Variants in SCG3 observed in about 807,000 individuals in gnomAD.
SCG3 encodes secretogranin-3.
Under a neutral mutation model 56.2 loss-of-function variants are expected in SCG3, and 38 were observed. The observed-to-expected ratio is 0.68, with a 90% CI of 0.52 to 0.89. The LOEUF is 0.89. Among genes scored for constraint, SCG3 ranks in the 40% least tolerant of loss-of-function variants. SCG3 has a pLI of 0.00. For missense variants in SCG3, 524 were observed against 540.7 expected (o/e 0.97, Z 0.31); for synonymous variants, 176 against 184.2 (o/e 0.96, Z 0.36).
rs568430902 is a variant in SCG3 at position 51,681,744 on chromosome 15, G to A, written c.-12G>A. 2.8e-5 allele frequency: 45 copies of A among 1,580,736 alleles called. No individual in the cohort carries two copies. The highest frequency in any genetic ancestry group is 3.6e-5 in the Non-Finnish European group (42 of 1,158,346). Reference sequence around the variant, plus strand: ...CCAGCGCCGGGCTGTGACCCAAGCCGAGCGTGGAAGAATGGGGTTCCTCGG... The same window carrying A: ...CCAGCGCCGGGCTGTGACCCAAGCCAAGCGTGGAAGAATGGGGTTCCTCGG... On this transcript the variant is annotated 5_prime_UTR_variant, in exon 1 of 12. Transcript: ENST00000220478.
chr15:51,707,694 T>G (rs901188142), intron 10 of SCG3, among the ~76,000 whole-genome samples: 3 of 152,226 alleles, frequency 2.0e-5, no homozygotes, highest in Non-Finnish European at 4.4e-5. Flanking sequence ...CTTCATCCAG[T>G]GCTCTTCCAG....
intron 7 of SCG3, 44 bp downstream of exon 7, chr15:51,692,380 T>C: frequency 6.5e-7 from 1 of 1,538,572 alleles, no homozygotes; most frequent in Non-Finnish European, 8.9e-7. Flanking sequence ...GAAAGAGTGA[T>C]TCCAGGAAAT....
chr15:51,705,712 G>A (rs181828020), intron 10 of SCG3, among the ~76,000 whole-genome samples: 31 of 152,132 alleles, frequency 2.0e-4, no homozygotes, highest in Admixed American at 1.8e-3. Flanking sequence ...AGTAGACATG[G>A]GGTTTCACCA....
At chr15:51,716,146 C>T (rs548214093) in intron 11 of SCG3, among the ~76,000 whole-genome samples, 3 of 152,242 alleles carry the variant, frequency 2.0e-5, no homozygotes, top group Non-Finnish European at 2.9e-5. Flanking sequence ...TGTGAGCCAC[C>T]GCGCCCAGCA....
chr15:51,682,347 TTAC>T (rs1351999716), intron 1 of SCG3, among the ~76,000 whole-genome samples, 167 bp from the exon 2 acceptor site: 1 of 152,144 alleles, frequency 6.6e-6, no homozygotes, highest in Non-Finnish European at 1.5e-5. Flanking sequence ...ATATTGATAA[TTAC>T]TATTATTGTA....
intron 1 of SCG3, 61 bp downstream of exon 1, chr15:51,681,898 T>G: frequency 7.3e-7 from 1 of 1,374,252 alleles, no homozygotes. Context: ...AGGTAAAGTT[T>G]GGCATAATAC....
In SCG3 at chr15:51,699,315, C is replaced by T; in HGVS notation, c.986-4C>T. The T allele has an allele frequency of 6.3e-7, 1 of 1,596,506 alleles. No homozygotes were observed. The highest frequency in any genetic ancestry group is 8.5e-7 in the Non-Finnish European group (1 of 1,172,752). On this transcript the variant is annotated splice_polypyrimidine_tract_variant and splice_region_variant and intron_variant, in intron 8 of 11. Coordinates refer to ENST00000220478, the MANE Select transcript of SCG3 (RefSeq NM_013243.4). ...AATTAAATTTCTTTCCTTCCTCCCT[C>T]CAGAAAACTTGGATGAAATGATTGC...
At chr15:51,705,444 C>G (rs145432238) in intron 10 of SCG3, among the ~76,000 whole-genome samples, 170 of 152,080 alleles carry the variant, frequency 1.1e-3, no homozygotes, top group African/African-American at 3.9e-3. Flanking sequence ...GGATTTCCCT[C>G]TTCATTAGGA....
chr15:51,708,275 C>T (rs1274568812), intron 10 of SCG3: 1 of 152,198 alleles, frequency 6.6e-6, no homozygotes, highest in Non-Finnish European at 1.5e-5. Context: ...TTTACAGCTC[C>T]TGCAAAGAGA....
At chr15:51,693,101 C>T (rs768496549) in intron 7 of SCG3, 2 of 152,164 alleles carry the variant, frequency 1.3e-5, no homozygotes, top group Non-Finnish European at 2.9e-5. Context: ...ATGAGTTTGA[C>T]TATTTGAGAT....
intron 10 of SCG3, among the ~76,000 whole-genome samples, chr15:51,704,244 C>CATACATACATATATATAT (rs751546589): frequency 1.1e-4 from 8 of 73,626 alleles, no homozygotes; most frequent in Admixed American, 5.4e-4. Flanking sequence ...TACATACATA[C>CATACATACATATATATAT]ATATATATAT....
chr15:51,709,725 T>TTTTTTA (rs1567222415), intron 10 of SCG3, among the ~76,000 whole-genome samples: 4 of 57,002 alleles, frequency 7.0e-5, no homozygotes, highest in African/African-American at 2.8e-4. Flanking sequence ...TTTTTTTTTT[T>TTTTTTA]TTTTTTTTTT....
chr15:51,701,125 A>G lies in SCG3; in HGVS notation c.1088A>G (p.His363Arg). 1.2e-6 allele frequency: 2 copies of G among 1,614,006 alleles called. No individual in the cohort carries two copies. The highest frequency in any genetic ancestry group is 1.7e-6 in the Non-Finnish European group (2 of 1,179,976). The stretch of plus-strand genomic sequence containing the variant: ...ATTACAGCACCATCAGAGAAGAGTC[A>G]TGAAGAAACAGACAGTACCAAGGAA... ...KLFPAPSEKSHEETDSTKEEA... is the reference protein window; with the variant it reads ...KLFPAPSEKSREETDSTKEEA... The change falls in exon 10 of 12, where the codon CAT becomes CGT. Residue 363 changes from histidine to arginine, a missense_variant. Coordinates refer to ENST00000220478, the MANE Select transcript of SCG3 (RefSeq NM_013243.4).
intron 10 of SCG3, among the ~76,000 whole-genome samples, chr15:51,706,238 G>T (rs2055374961): frequency 2.0e-5 from 3 of 152,186 alleles, no homozygotes; most frequent in Non-Finnish European, 2.9e-5. Flanking sequence ...TATTCAGCAA[G>T]AAATAAACAC....
Position 51,688,412 on chromosome 15 carries a change from T to G in SCG3, c.540+10T>G, listed in dbSNP as rs2305711. ...ACTTAATCTCGGCCTTGTAAGTCAT[T>G]TGGTAGGAAATAAACCAAATTCCTA... On this transcript the variant is annotated intron_variant, in intron 5 of 11. Transcript: ENST00000220478. 11,556 of 1,611,848 alleles carry G rather than the reference T, an allele frequency of 7.2e-3. 436 individuals carry two copies. The East Asian group carries it at 0.11, about 15-fold the overall frequency.
chr15:51,692,470 G>T, intron 7 of SCG3, 134 bp downstream of exon 7: 1 of 734,162 alleles, frequency 1.4e-6, no homozygotes, highest in Non-Finnish European at 2.1e-6. Context: ...TTGGGGAAAA[G>T]GGTTCACATC....
chr15:51,701,364 A>G (rs981879881), intron 10 of SCG3, 120 bp downstream of exon 10: 26 of 1,022,990 alleles, frequency 2.5e-5, no homozygotes, highest in Non-Finnish European at 1.1e-5. Context: ...CACAATCTGT[A>G]TAGAACAGGC....
At chr15:51,698,749 G>C (rs1015925496) in intron 8 of SCG3, among the ~76,000 whole-genome samples, 2 of 151,780 alleles carry the variant, frequency 1.3e-5, no homozygotes, top group Admixed American at 1.3e-4. Flanking sequence ...AGATAGCTGG[G>C]ACAGTCCCAA....
chr15:51,718,255 C>T (rs1372780577), intron 11 of SCG3, among the ~76,000 whole-genome samples: 2 of 151,642 alleles, frequency 1.3e-5, no homozygotes, highest in Non-Finnish European at 2.9e-5. Flanking sequence ...AGGGTATAAC[C>T]TCGTGGGGTT....
Sources: gnomAD v4.1 joint callset for allele counts (sites outside exome capture counted in the v4.1 genomes callset) on GRCh38, gnomAD v4.1.1 for gene constraint, MANE v1.5 for transcripts, NCBI Gene and HGNC (gene_info 2026-07-23, HGNC 2026-07-21) for gene names.